H3Y2: variants seen among roughly 807,000 people sequenced by gnomAD.
H3Y2 encodes the protein histone H3.X.
In H3Y2, 2 loss-of-function variants were observed where a neutral mutation model predicts 0.6. The observed-to-expected ratio is 3.36, with a 90% CI of 1.37 to 10.58. The LOEUF is 10.58. Among genes scored for constraint, H3Y2 ranks in the 30% most tolerant of loss-of-function variants. H3Y2 has a pLI of 0.04. For missense variants in H3Y2, 36 were observed against 19.1 expected (o/e 1.89, Z -1.66); for synonymous variants, 20 against 7.8 (o/e 2.56, Z -2.60).
In H3Y2 at chr5:17,492,042, C is replaced by T. The variant is rs542788437; in HGVS notation, c.-274G>A. Among the ~76,000 whole-genome samples, 284 of 151,698 alleles carry T rather than the reference C, an allele frequency of 1.9e-3. 9 individuals are homozygous for T. The highest frequency in any genetic ancestry group is 6.8e-3 in the African/African-American group (279 of 41,106). ...CTACCCAGCAGCAGCCAGGAGTCTC[C>T]CTCGCAGGCAGTCTGTTTCTGACTG... On this transcript the variant is annotated 5_prime_UTR_variant, in exon 1 of 1. Transcript: ENST00000600799.
At chr5:17,491,754 C>CT in the H3Y2 span, 1,166 of 406,718 alleles carry the variant, frequency 2.9e-3, 18 homozygotes, top group Non-Finnish European at 3.0e-4. Flanking sequence ...GGGCGGTCTG[C>CT]TTGGTGCGCG....
chr5:17,491,796 C>T lies in H3Y2; in HGVS notation c.-28G>A. The T allele has an allele frequency of 2.5e-6, 1 of 399,970 alleles. No individual in the cohort carries two copies. The highest frequency in any genetic ancestry group is 3.6e-5 in the East Asian group (1 of 28,066). 24.8% of individuals were successfully genotyped at this position (399,970 alleles called of 1,614,324 possible). ...TGTGGGGCCTTGTGCTCTCTCCTCT[C>T]TGAGGCTGAGCCTGGCCTGCTGCAG... is the stretch of plus-strand genomic sequence containing the variant. On this transcript the variant is annotated 5_prime_UTR_variant, in exon 1 of 1. Coordinates refer to ENST00000600799, the MANE Select transcript of H3Y2 (RefSeq NM_001371919.1).
At position 17,491,418 on chromosome 5, in the gene H3Y2, G is replaced by A. The variant is rs1022069457; in HGVS notation, c.351C>T (p.Arg117=). The A allele has an allele frequency of 6.0e-6, 3 of 502,674 alleles. No individual in the cohort carries two copies. The highest frequency in any genetic ancestry group is 3.2e-5 in the East Asian group (1 of 30,780). 31.1% of individuals were successfully genotyped at this position (502,674 alleles called of 1,614,324 possible). ...GCATGTCTCGGGGCATAATTGTGAC[G>A]CGCCTGGCATGGATGGCACACAGGT... ...DTNLCAIHAR[R]VTIMPRDMQL... is the part of the protein sequence containing the mutation. The change falls in exon 1 of 1, where the codon CGC becomes CGT. Residue 117 remains arginine (R), a synonymous_variant. Transcript: ENST00000600799.
At position 17,491,606 on chromosome 5, in the gene H3Y2, A is replaced by G; in HGVS notation, c.163T>C (p.Tyr55His). 3 of 415,902 alleles carry G rather than the reference A, an allele frequency of 7.2e-6. No individual in the cohort carries two copies. In the South Asian group the frequency reaches 3.0e-4, roughly 42 times the overall value. 25.8% of individuals were successfully genotyped at this position (415,902 alleles called of 1,614,324 possible). A position where few individuals can be genotyped will look rare whatever the true frequency, so the allele number is the denominator to read the frequency against. The change falls in exon 1 of 1, where the codon TAC (tyrosine) becomes CAC (histidine). Residue 55 changes from tyrosine to histidine, a missense_variant. Physicochemically the swap from Tyr to His is moderately conservative, Grantham distance 83. Coordinates refer to ENST00000600799, the MANE Select transcript of H3Y2 (RefSeq NM_001371919.1). Reference sequence around the variant, plus strand: ...AGGAGCAGCTGCGTGGACTTCTGGTACTTTCTGATTTCCCGCAGCGCCAGG... The same window carrying G: ...AGGAGCAGCTGCGTGGACTTCTGGTGCTTTCTGATTTCCCGCAGCGCCAGG... Reference protein sequence around the residue: ...GTLALREIRKYQKSTQLLLRK... With the variant: ...GTLALREIRKHQKSTQLLLRK...
chr5:17,491,223 G>A lies in H3Y2; in HGVS notation c.*102C>T. On this transcript the variant is annotated 3_prime_UTR_variant, in exon 1 of 1. Coordinates refer to ENST00000600799, the MANE Select transcript of H3Y2 (RefSeq NM_001371919.1). The stretch of plus-strand genomic sequence containing the variant: ...TATGCTTAGCTACCTTTGGACCCCC[G>A]GAGGGAAAAGAAACCAAAACAGAAC... 5.1e-6 allele frequency: 2 copies of A among 394,522 alleles called. No homozygotes were observed. The allele number at this position is 394,522 out of a possible 1,614,324, so 24.4% of individuals were successfully genotyped here.
Position 17,491,785 on chromosome 5 carries a change from C to T in H3Y2, c.-17G>A. ...GCGCGCCATGTTGTGGGGCCTTGTGCTCTCTCCTCTCTGAGGCTGAGCCTG... is the reference window on the plus strand; with the variant it reads ...GCGCGCCATGTTGTGGGGCCTTGTGTTCTCTCCTCTCTGAGGCTGAGCCTG... On this transcript the variant is annotated 5_prime_UTR_variant, in exon 1 of 1. Transcript: ENST00000600799. 1 of 400,388 alleles carries T rather than the reference C, an allele frequency of 2.5e-6. No homozygotes were observed. Among genetic ancestry groups the T allele is most frequent in the Non-Finnish European group, 4.4e-6 (1 of 227,602 alleles). The allele number at this position is 400,388 out of a possible 1,614,324, so 24.8% of individuals were successfully genotyped here. A position where few individuals can be genotyped will look rare whatever the true frequency, so the allele number is the denominator to read the frequency against.
In H3Y2 at chr5:17,491,443, T is replaced by C; in HGVS notation, c.326A>G (p.Asn109Ser). ...GCGCCTGGCATGGATGGCACACAGGTTGGTGTCTTCAAAGAGTTGCACCAG... is the reference window on the plus strand; with the variant it reads ...GCGCCTGGCATGGATGGCACACAGGCTGGTGTCTTCAAAGAGTTGCACCAG... ...AYLVQLFEDT[N>S]LCAIHARRVT... The change falls in exon 1 of 1, where the codon AAC becomes AGC. Residue 109 changes from asparagine to serine, a missense_variant. Coordinates refer to ENST00000600799, the MANE Select transcript of H3Y2 (RefSeq NM_001371919.1). 2 of 552,852 alleles carry C rather than the reference T, an allele frequency of 3.6e-6. No individual in the cohort carries two copies. The highest frequency in any genetic ancestry group is 6.4e-6 in the Non-Finnish European group (2 of 311,346). 34.2% of individuals were successfully genotyped at this position (552,852 alleles called of 1,614,324 possible). A position where few individuals can be genotyped will look rare whatever the true frequency, so the allele number is the denominator to read the frequency against.
At position 17,491,872 on chromosome 5, in the gene H3Y2, G is replaced by T; in HGVS notation, c.-104C>A. 2.5e-6 allele frequency: 1 copy of T among 397,864 alleles called. No homozygotes were observed. Among genetic ancestry groups the T allele is most frequent in the Non-Finnish European group, 4.4e-6 (1 of 226,284 alleles). The allele number at this position is 397,864 out of a possible 1,614,324, so 24.6% of individuals were successfully genotyped here. A position where few individuals can be genotyped will look rare whatever the true frequency, so the allele number is the denominator to read the frequency against. On this transcript the variant is annotated 5_prime_UTR_variant, in exon 1 of 1. The change creates a new upstream start codon in the 5' untranslated region. Coordinates refer to ENST00000600799, the MANE Select transcript of H3Y2 (RefSeq NM_001371919.1). ...GCAGTGGTGCTGTGGACAGGATTCA[G>T]AGAGCCTGTGAGTTGAGATCCATGC...
chr5:17,491,567 A>AGGGCAGCTTGCGCAG lies in H3Y2; in HGVS notation c.187_201dup (p.Leu63_Pro67dup), dbSNP rs1738113039. 4.5e-6 allele frequency: 2 copies of AGGGCAGCTTGCGCAG among 448,712 alleles called. No individual in the cohort carries two copies. The highest frequency in any genetic ancestry group is 4.2e-5 in the Admixed American group (1 of 23,964). The allele number at this position is 448,712 out of a possible 1,614,324, so 27.8% of individuals were successfully genotyped here. On this transcript the variant is annotated inframe_insertion, in exon 1 of 1. Transcript: ENST00000600799. ...GCGATCTCACGCACCAGACGCTGGA[A>AGGGCAGCTTGCGCAG]GGGCAGCTTGCGCAGGAGCAGCTGC...
In H3Y2 at chr5:17,491,543, C is replaced by G; in HGVS notation, c.226G>C (p.Ala76Pro). 3 of 475,172 alleles carry G rather than the reference C, an allele frequency of 6.3e-6. No individual in the cohort carries two copies. Among genetic ancestry groups the G allele is most frequent in the Non-Finnish European group, 1.1e-5 (3 of 264,250 alleles). The allele number at this position is 475,172 out of a possible 1,614,324, so 29.4% of individuals were successfully genotyped here. A position where few individuals can be genotyped will look rare whatever the true frequency, so the allele number is the denominator to read the frequency against. ...LPFQRLVREIAQAISPDLRFQ... is the reference protein window; with the variant it reads ...LPFQRLVREIPQAISPDLRFQ... ...CGCAGGTCCGGGCTGATGGCCTGGG[C>G]GATCTCACGCACCAGACGCTGGAAG... Residue 76 changes from alanine (A) to proline (P), a missense_variant, in exon 1 of 1, where the codon GCC becomes CCC. Physicochemically the swap from Ala to Pro is conservative, Grantham distance 27. Coordinates refer to ENST00000600799, the MANE Select transcript of H3Y2 (RefSeq NM_001371919.1).
At position 17,491,842 on chromosome 5, in the gene H3Y2, C is replaced by G; in HGVS notation, c.-74G>C. On this transcript the variant is annotated 5_prime_UTR_variant, in exon 1 of 1. Transcript: ENST00000600799. ...TGCAGGCAGTACTGGCGTCAGAAAACAAGGGCAGTGGTGCTGTGGACAGGA... is the reference window on the plus strand; with the variant it reads ...TGCAGGCAGTACTGGCGTCAGAAAAGAAGGGCAGTGGTGCTGTGGACAGGA... 2.5e-6 allele frequency: 1 copy of G among 398,862 alleles called. No homozygotes were observed. The highest frequency in any genetic ancestry group is 4.4e-6 in the Non-Finnish European group (1 of 226,730). The allele number at this position is 398,862 out of a possible 1,614,324, so 24.7% of individuals were successfully genotyped here.
Position 17,491,855 on chromosome 5 carries a change from G to A in H3Y2, c.-87C>T, listed in dbSNP as rs1447482121. The A allele has an allele frequency of 7.5e-6, 3 of 398,388 alleles. No homozygotes were observed. Among genetic ancestry groups the A allele is most frequent in the Middle Eastern group, 1.2e-3 (2 of 1,616 alleles). The allele number at this position is 398,388 out of a possible 1,614,324, so 24.7% of individuals were successfully genotyped here. A position where few individuals can be genotyped will look rare whatever the true frequency, so the allele number is the denominator to read the frequency against. On this transcript the variant is annotated 5_prime_UTR_variant, in exon 1 of 1. Transcript: ENST00000600799. ...GGCGTCAGAAAACAAGGGCAGTGGTGCTGTGGACAGGATTCAGAGAGCCTG... is the reference window on the plus strand; with the variant it reads ...GGCGTCAGAAAACAAGGGCAGTGGTACTGTGGACAGGATTCAGAGAGCCTG...
Position 17,491,882 on chromosome 5 carries a change from G to A in H3Y2, c.-114C>T. 2.5e-6 allele frequency: 1 copy of A among 397,754 alleles called. No homozygotes were observed. The allele number at this position is 397,754 out of a possible 1,614,324, so 24.6% of individuals were successfully genotyped here. Reference sequence around the variant, plus strand: ...TGTGGACAGGATTCAGAGAGCCTGTGAGTTGAGATCCATGCGCAGGACTCT... The same window carrying A: ...TGTGGACAGGATTCAGAGAGCCTGTAAGTTGAGATCCATGCGCAGGACTCT... On this transcript the variant is annotated 5_prime_UTR_variant, in exon 1 of 1. Coordinates refer to ENST00000600799, the MANE Select transcript of H3Y2 (RefSeq NM_001371919.1).
At position 17,491,816 on chromosome 5, in the gene H3Y2, C is replaced by T. The variant is rs1738120134; in HGVS notation, c.-48G>A. On this transcript the variant is annotated 5_prime_UTR_variant, in exon 1 of 1. Coordinates refer to ENST00000600799, the MANE Select transcript of H3Y2 (RefSeq NM_001371919.1). ...CCTCTCTGAGGCTGAGCCTGGCCTGCTGCAGGCAGTACTGGCGTCAGAAAA... is the reference window on the plus strand; with the variant it reads ...CCTCTCTGAGGCTGAGCCTGGCCTGTTGCAGGCAGTACTGGCGTCAGAAAA... The T allele has an allele frequency of 2.5e-6, 1 of 399,646 alleles. No homozygotes were observed. The highest frequency in any genetic ancestry group is 4.4e-6 in the Non-Finnish European group (1 of 227,116). The allele number at this position is 399,646 out of a possible 1,614,324, so 24.8% of individuals were successfully genotyped here. A position where few individuals can be genotyped will look rare whatever the true frequency, so the allele number is the denominator to read the frequency against.
chr5:17,491,902 G>T lies in H3Y2; in HGVS notation c.-134C>A, dbSNP rs1377072057. ...CCTGTGAGTTGAGATCCATGCGCAG[G>T]ACTCTCCCACACACTTAACCCCTGC... is the stretch of plus-strand genomic sequence containing the variant. On this transcript the variant is annotated 5_prime_UTR_variant, in exon 1 of 1. Coordinates refer to ENST00000600799, the MANE Select transcript of H3Y2 (RefSeq NM_001371919.1). 1.0e-5 allele frequency: 4 copies of T among 397,224 alleles called. No homozygotes were observed. Among genetic ancestry groups the T allele is most frequent in the Non-Finnish European group, 1.8e-5 (4 of 226,146 alleles). 24.6% of individuals were successfully genotyped at this position (397,224 alleles called of 1,614,324 possible).
chr5:17,491,868 T>A lies in H3Y2; in HGVS notation c.-100A>T, dbSNP rs1334649972. The A allele has an allele frequency of 2.5e-6, 1 of 397,946 alleles. No homozygotes were observed. Among genetic ancestry groups the A allele is most frequent in the Non-Finnish European group, 4.4e-6 (1 of 226,300 alleles). The allele number at this position is 397,946 out of a possible 1,614,324, so 24.7% of individuals were successfully genotyped here. On this transcript the variant is annotated 5_prime_UTR_variant, in exon 1 of 1. Coordinates refer to ENST00000600799, the MANE Select transcript of H3Y2 (RefSeq NM_001371919.1). ...AAGGGCAGTGGTGCTGTGGACAGGA[T>A]TCAGAGAGCCTGTGAGTTGAGATCC...
rs765663660 is a variant in H3Y2, at chr5:17,491,349, C to G, written c.420G>C (p.Thr140=). The change falls in exon 1 of 1, where the codon ACG becomes ACC. Residue 140 remains threonine, a synonymous_variant. Coordinates refer to ENST00000600799, the MANE Select transcript of H3Y2 (RefSeq NM_001371919.1). The part of the protein sequence containing the change: ...RLRGEGAGEP[T]LLGNLAL ...TCTAGAGTGCAAGGTTTCCCAGGAG[C>G]GTGGGCTCTCCGGCACCCTCTCCAC... 2.4e-6 allele frequency: 1 copy of G among 420,896 alleles called. No homozygotes were observed. Among genetic ancestry groups the G allele is most frequent in the Non-Finnish European group, 4.2e-6 (1 of 237,478 alleles). The allele number at this position is 420,896 out of a possible 1,614,324, so 26.1% of individuals were successfully genotyped here.
chr5:17,491,611 C>A lies in H3Y2; in HGVS notation c.158G>T (p.Arg53Ile), dbSNP rs1432845356. ...CAGCTGCGTGGACTTCTGGTACTTT[C>A]TGATTTCCCGCAGCGCCAGGGTGCC... ...KPGTLALREI[R>I]KYQKSTQLLL... Residue 53 changes from arginine (R) to isoleucine (I), a missense_variant, in exon 1 of 1, where the codon AGA becomes ATA. By Grantham distance (97) the Arg-to-Ile change is moderately conservative. Coordinates refer to ENST00000600799, the MANE Select transcript of H3Y2 (RefSeq NM_001371919.1). 1.2e-5 allele frequency: 5 copies of A among 413,886 alleles called. No homozygotes were observed. The South Asian group carries it at 5.2e-4, about 43-fold the overall frequency. The allele number at this position is 413,886 out of a possible 1,614,324, so 25.6% of individuals were successfully genotyped here. A position where few individuals can be genotyped will look rare whatever the true frequency, so the allele number is the denominator to read the frequency against.
Position 17,491,694 on chromosome 5 carries a change from G to A in H3Y2, c.75C>T (p.Ala25=), listed in dbSNP as rs528370671. 13 of 403,838 alleles carry A rather than the reference G, an allele frequency of 3.2e-5. No individual in the cohort carries two copies. The East Asian group carries it at 3.6e-4, about 11-fold the overall frequency. 25.0% of individuals were successfully genotyped at this position (403,838 alleles called of 1,614,324 possible). ...QAPRKPLATK[A]ARKRASPTGG... is the part of the protein sequence containing the mutation. ...CTGTAGGCGACGCCCTTTTTCTGGC[G>A]GCTTTGGTGGCCAGGGGCTTCCTGG... is the stretch of plus-strand genomic sequence containing the variant. The change falls in exon 1 of 1, where the codon GCC becomes GCT. Residue 25 remains alanine (A), a synonymous_variant. Coordinates refer to ENST00000600799, the MANE Select transcript of H3Y2 (RefSeq NM_001371919.1).
Sources: gnomAD v4.1 joint callset for allele counts (sites outside exome capture counted in the v4.1 genomes callset) on GRCh38, gnomAD v4.1.1 for gene constraint, MANE v1.5 for transcripts, NCBI Gene and HGNC (gene_info 2026-07-23, HGNC 2026-07-21) for gene names.